The following CAMK1D variants were observed in gnomAD, a reference collection of about 807,000 sequenced individuals.
The protein encoded by CAMK1D is calcium/calmodulin dependent protein kinase ID, also known as calcium/calmodulin-dependent protein kinase type 1D.
CAMK1D carries 9 observed loss-of-function variants against 47.7 expected under a neutral mutation model. The observed-to-expected ratio is 0.19, with a 90% CI of 0.11 to 0.33. The LOEUF (loss-of-function observed/expected upper bound fraction) is 0.33, where lower values mean the gene tolerates loss of function less well. Ranked by LOEUF, CAMK1D falls within the 10% of genes least tolerant of loss-of-function variation. CAMK1D has a pLI of 1.00. For synonymous variants in CAMK1D, 184 were observed against 184.9 expected (o/e 0.99, Z 0.04); for missense variants, 291 against 488.7 (o/e 0.60, Z 3.81).
chr10:12,427,840 G>A (rs771212644), intron 1 of CAMK1D, among the ~76,000 whole-genome samples: 4 of 149,640 alleles, frequency 2.7e-5, no homozygotes, highest in Non-Finnish European at 5.9e-5. Flanking sequence ...CCTGAGTAGC[G>A]GGGATTACAG....
intron 2 of CAMK1D, among the ~76,000 whole-genome samples, chr10:12,565,452 C>T (rs1837092964): frequency 6.6e-6 from 1 of 152,086 alleles, no homozygotes; most frequent in Middle Eastern, 3.2e-3. Flanking sequence ...CGGGGTTTCA[C>T]CATGTTGGCC....
intron 1 of CAMK1D, among the ~76,000 whole-genome samples, chr10:12,390,248 T>TA (rs966737485): frequency 2.8e-4 from 43 of 151,208 alleles, no homozygotes; most frequent in Admixed American, 1.6e-3. Flanking sequence ...TTTTAAAAAT[T>TA]AAAAAAAAAG....
intron 2 of CAMK1D, among the ~76,000 whole-genome samples, chr10:12,625,656 A>G (rs1225116352): frequency 1.1e-5 from 1 of 93,574 alleles, no homozygotes; most frequent in Non-Finnish European, 2.4e-5. Flanking sequence ...TTACTGTGTA[A>G]TGGTGTGTGG....
intron 1 of CAMK1D, among the ~76,000 whole-genome samples, chr10:12,359,976 A>T (rs1210675920): frequency 1.3e-5 from 2 of 152,202 alleles, no homozygotes; most frequent in African/African-American, 4.8e-5. Flanking sequence ...TAGTGTTAAC[A>T]CTTGGGGAGC....
chr10:12,602,895 G>GTTGTTATTA (rs150080599), intron 2 of CAMK1D, among the ~76,000 whole-genome samples: 4 of 134,396 alleles, frequency 3.0e-5, no homozygotes, highest in East Asian at 2.2e-4. Context: ...CTAACTGCTT[G>GTTGTTATTA]TTATTATTAT....
At chr10:12,720,720 A>G (rs952740562) in intron 3 of CAMK1D, among the ~76,000 whole-genome samples, 63 of 152,274 alleles carry the variant, frequency 4.1e-4, no homozygotes, top group African/African-American at 1.3e-3. Context: ...TGAGAAGATT[A>G]TTTTTCCCTC....
intron 3 of CAMK1D, among the ~76,000 whole-genome samples, chr10:12,731,859 G>T (rs1422694479): frequency 1.3e-5 from 2 of 152,130 alleles, no homozygotes; most frequent in Non-Finnish European, 2.9e-5. Context: ...GGATGGGGTT[G>T]CAGTTCCTGA....
chr10:12,788,779 G>A (rs779838156), intron 5 of CAMK1D, among the ~76,000 whole-genome samples: 20 of 152,206 alleles, frequency 1.3e-4, no homozygotes, highest in Non-Finnish European at 2.8e-4. Flanking sequence ...GTCAGCTATC[G>A]CCCGGCCAGC....
intron 1 of CAMK1D, among the ~76,000 whole-genome samples, chr10:12,542,446 C>T (rs1037812813): frequency 6.6e-6 from 1 of 152,190 alleles, no homozygotes; most frequent in Non-Finnish European, 1.5e-5. Flanking sequence ...GCTAATAGGG[C>T]AGGTCATTTC....
intron 6 of CAMK1D, among the ~76,000 whole-genome samples, chr10:12,802,042 A>G (rs761867670): frequency 6.6e-6 from 1 of 152,090 alleles, no homozygotes; most frequent in Non-Finnish European, 1.5e-5. Flanking sequence ...CTTTTCTCCC[A>G]GTTGGATTAA....
chr10:12,426,824 C>A (rs1022150649), intron 1 of CAMK1D, among the ~76,000 whole-genome samples: 4 of 152,210 alleles, frequency 2.6e-5, no homozygotes, highest in Non-Finnish European at 5.9e-5. Flanking sequence ...AAGCAATTTT[C>A]TAGCCTCTGC....
intron 6 of CAMK1D, among the ~76,000 whole-genome samples, chr10:12,798,691 T>G (rs974438531): frequency 6.6e-6 from 1 of 152,210 alleles, no homozygotes; most frequent in African/African-American, 2.4e-5. Flanking sequence ...TGTTTGTGTA[T>G]GAGAAAAGAG....
intron 1 of CAMK1D, among the ~76,000 whole-genome samples, chr10:12,386,003 C>T (rs1229095465): frequency 6.6e-6 from 1 of 152,126 alleles, no homozygotes; most frequent in Admixed American, 6.5e-5. Flanking sequence ...GCCTTGGCCT[C>T]CCAAAATGCT....
chr10:12,631,383 C>G (rs1296706076), intron 2 of CAMK1D, among the ~76,000 whole-genome samples: 1 of 152,212 alleles, frequency 6.6e-6, no homozygotes, highest in African/African-American at 2.4e-5. Context: ...ATAGTGCATG[C>G]CATTCCTTAT....
intron 3 of CAMK1D, among the ~76,000 whole-genome samples, chr10:12,729,267 G>A (rs1834786129): frequency 6.6e-6 from 1 of 152,218 alleles, no homozygotes; most frequent in South Asian, 2.1e-4. Flanking sequence ...ATGGAGCAGG[G>A]AGAGGTAGTA....
intron 2 of CAMK1D, among the ~76,000 whole-genome samples, chr10:12,624,496 A>G (rs961924414): frequency 6.6e-6 from 1 of 152,148 alleles, no homozygotes; most frequent in Non-Finnish European, 1.5e-5. Context: ...GGAGTCATGC[A>G]GTATTTGTCC....
At chr10:12,516,129 A>G (rs1413467737) in intron 1 of CAMK1D, among the ~76,000 whole-genome samples, 2 of 151,742 alleles carry the variant, frequency 1.3e-5, no homozygotes, top group Non-Finnish European at 2.9e-5. Context: ...TTGTTTTTTG[A>G]GACAGAATCT....
chr10:12,393,474 C>T (rs1177431813), intron 1 of CAMK1D, among the ~76,000 whole-genome samples: 1 of 152,128 alleles, frequency 6.6e-6, no homozygotes, highest in Admixed American at 6.5e-5. Context: ...ACACGGCAAG[C>T]GTTTTAGATG....
At chr10:12,408,895 C>G (rs1169512067) in intron 1 of CAMK1D, among the ~76,000 whole-genome samples, 1 of 148,836 alleles carries the variant, frequency 6.7e-6, no homozygotes, top group Non-Finnish European at 1.5e-5. Context: ...TTTCTGTCGC[C>G]CAGGCTGGAG....
Sources: gnomAD v4.1 joint callset for allele counts (sites outside exome capture counted in the v4.1 genomes callset) on GRCh38, gnomAD v4.1.1 for gene constraint, MANE v1.5 for transcripts, NCBI Gene and HGNC (gene_info 2026-07-23, HGNC 2026-07-21) for gene names.